The following AGBL1 variants were observed in gnomAD, a reference collection of about 807,000 sequenced individuals.
AGBL1 encodes cytosolic carboxypeptidase 4.
Under a neutral mutation model 118.9 loss-of-function variants are expected in AGBL1, and 130 were observed. That is an observed-to-expected ratio of 1.09 (90% CI 0.95 to 1.26). AGBL1 has a LOEUF of 1.26. Among genes scored for constraint, AGBL1 ranks in the 50% most tolerant of loss-of-function variants. The probability of loss-of-function intolerance (pLI) is 0.00; values close to 1 mark genes in which losing one functional copy is unlikely to be tolerated. For synonymous variants in AGBL1, 555 were observed against 478.9 expected (o/e 1.16, Z -2.08); for missense variants, 1,584 against 1,298.1 (o/e 1.22, Z -3.38).
At chr15:86,730,416 C>T (rs969704863) in intron 22 of AGBL1, among the ~76,000 whole-genome samples, 2 of 152,196 alleles carry the variant, frequency 1.3e-5, no homozygotes, top group African/African-American at 4.8e-5. Flanking sequence ...AAGCAAAAAA[C>T]TAGCAACTCC....
intron 5 of AGBL1, among the ~76,000 whole-genome samples, chr15:86,215,923 A>G (rs1276720932): frequency 6.6e-6 from 1 of 152,122 alleles, no homozygotes; most frequent in Admixed American, 6.6e-5. Flanking sequence ...TTCAATCTTT[A>G]GCAATATTTT....
In AGBL1 at chr15:86,717,030, T is replaced by A. The variant is rs1390843066; in HGVS notation, c.3158+42594T>A. On this transcript the variant is annotated intron_variant, in intron 22 of 22. Transcript: ENST00000614907. ...AAAATATTTTGTGAATTAATCCACA[T>A]GAAGTGCTTCAGGCAATTGCCTGGT... 2.6e-5 allele frequency among the ~76,000 whole-genome samples: 4 copies of A among 152,218 alleles called. No individual in the cohort carries two copies. In the East Asian group the frequency reaches 7.7e-4, roughly 29 times the overall value.
intron 22 of AGBL1, among the ~76,000 whole-genome samples, chr15:86,792,289 A>G (rs979180232): frequency 6.6e-6 from 1 of 151,948 alleles, no homozygotes; most frequent in African/African-American, 2.4e-5. Context: ...TCTTCCTTTC[A>G]TGTTCTAATT....
chr15:86,412,930 C>A (rs1337809119), intron 18 of AGBL1, among the ~76,000 whole-genome samples: 1 of 152,092 alleles, frequency 6.6e-6, no homozygotes, highest in East Asian at 1.9e-4. Flanking sequence ...TTAATAATAT[C>A]TTGACTTTAC....
intron 17 of AGBL1, among the ~76,000 whole-genome samples, chr15:86,364,979 A>G (rs1416574048): frequency 8.9e-5 from 7 of 78,442 alleles, no homozygotes; most frequent in South Asian, 3.7e-4. Flanking sequence ...ATATATATAT[A>G]TATATATATA....
intron 19 of AGBL1, among the ~76,000 whole-genome samples, chr15:86,534,169 T>G (rs1332322093): frequency 6.6e-6 from 1 of 150,378 alleles, no homozygotes; most frequent in African/African-American, 2.5e-5. Context: ...CAGATTTTAC[T>G]TTGGTAGAAA....
intron 22 of AGBL1, among the ~76,000 whole-genome samples, chr15:86,696,555 A>G (rs960194545): frequency 6.6e-6 from 1 of 151,876 alleles, no homozygotes; most frequent in African/African-American, 2.4e-5. Flanking sequence ...GCAATTCTGT[A>G]TCTTTTAAGT....
rs1446445877 is a variant in AGBL1 at position 86,569,541 on chromosome 15, CTT to C, written c.2994+15007_2994+15008del. On this transcript the variant is annotated intron_variant, in intron 21 of 22. Transcript: ENST00000614907. ...TTCAAGTGATGCCTTGCTGTTGTCTCTTTTGTTTTGTTTTTAGAAAAACTTCT... is the reference window on the plus strand; with the variant it reads ...TTCAAGTGATGCCTTGCTGTTGTCTCTTGTTTTGTTTTTAGAAAAACTTCT... Among the ~76,000 whole-genome samples the C allele has an allele frequency of 5.3e-5, 8 of 152,136 alleles. No individual in the cohort carries two copies. In the South Asian group the frequency reaches 1.5e-3, roughly 28 times the overall value.
chr15:86,183,789 C>T (rs1431889667), intron 5 of AGBL1, among the ~76,000 whole-genome samples: 1 of 152,138 alleles, frequency 6.6e-6, no homozygotes, highest in African/African-American at 2.4e-5. Context: ...AGAGCTAATA[C>T]CAAAGTCCCT....
intron 17 of AGBL1, among the ~76,000 whole-genome samples, chr15:86,347,979 G>A (rs1373134709): frequency 6.6e-6 from 1 of 151,730 alleles, no homozygotes; most frequent in African/African-American, 2.4e-5. Flanking sequence ...ATAAACTATT[G>A]AATGAGAAAA....
At chr15:86,565,282 A>G (rs1052369457) in intron 21 of AGBL1, among the ~76,000 whole-genome samples, 4 of 152,096 alleles carry the variant, frequency 2.6e-5, no homozygotes, top group African/African-American at 9.7e-5. Flanking sequence ...TTGGTCTTTG[A>G]TGATGGTGAC....
intron 18 of AGBL1, among the ~76,000 whole-genome samples, chr15:86,487,603 A>G (rs1467508063): frequency 6.6e-6 from 1 of 152,000 alleles, no homozygotes; most frequent in East Asian, 1.9e-4. Flanking sequence ...CTTCAATCTA[A>G]AGGAGAATGA....
chr15:86,786,749 G>T (rs571751457), intron 22 of AGBL1, among the ~76,000 whole-genome samples: 1 of 152,294 alleles, frequency 6.6e-6, no homozygotes, highest in African/African-American at 2.4e-5. Flanking sequence ...ACATATGCAT[G>T]TTGCTACATG....
chr15:86,948,610 C>T (rs57116108), intron 23 of AGBL1, among the ~76,000 whole-genome samples: 284 of 152,254 alleles, frequency 1.9e-3, no homozygotes, highest in African/African-American at 6.5e-3. Flanking sequence ...TTCTAGCCAA[C>T]GAGTGATTGA....
chr15:86,818,711 C>T (rs962700558), intron 22 of AGBL1, among the ~76,000 whole-genome samples: 1 of 152,132 alleles, frequency 6.6e-6, no homozygotes, highest in African/African-American at 2.4e-5. Flanking sequence ...GGGGAAAATG[C>T]ATTTCTGGAA....
intron 22 of AGBL1, among the ~76,000 whole-genome samples, chr15:86,722,863 C>G (rs2086749691): frequency 6.6e-6 from 1 of 152,102 alleles, no homozygotes; most frequent in African/African-American, 2.4e-5. Context: ...AGACACTTCT[C>G]AAAAGAAGAC....
chr15:86,582,620 A>T (rs1020843437), intron 21 of AGBL1, among the ~76,000 whole-genome samples: 33 of 152,196 alleles, frequency 2.2e-4, no homozygotes, highest in African/African-American at 8.0e-4. Flanking sequence ...CCAAATGTCC[A>T]ACAATGATAG....
chr15:86,355,386 A>G (rs1253766239), intron 17 of AGBL1, among the ~76,000 whole-genome samples: 1 of 152,198 alleles, frequency 6.6e-6, no homozygotes, highest in Non-Finnish European at 1.5e-5. Context: ...CTTCTGGCAC[A>G]CACCACCAAG....
chr15:86,580,509 A>AT (rs11433821), intron 21 of AGBL1, among the ~76,000 whole-genome samples: 56,068 of 151,632 alleles, frequency 0.37, 12,545 homozygotes, highest in Middle Eastern at 0.49. Context: ...TTACATGCAT[A>AT]TTTTTCTAGA....
Sources: allele counts gnomAD v4.1 joint callset (sites outside exome capture counted in the v4.1 genomes callset), GRCh38; gene constraint gnomAD v4.1.1; transcripts MANE v1.5; gene names NCBI Gene and HGNC (gene_info 2026-07-23, HGNC 2026-07-21).